Variants in TMEM132E observed in about 807,000 individuals in gnomAD.
The protein encoded by TMEM132E is transmembrane protein 132E.
A neutral mutation model predicts 78.5 loss-of-function variants in TMEM132E; 49 were observed. The observed-to-expected ratio is 0.62, with a 90% confidence interval of 0.50 to 0.79. The LOEUF (loss-of-function observed/expected upper bound fraction) is 0.79. Among genes scored for constraint, TMEM132E ranks in the 30% least tolerant of loss-of-function variants. The pLI, the probability that TMEM132E is intolerant of heterozygous loss-of-function variation, is 0.00. For missense variants in TMEM132E, 1,403 were observed against 1,470.9 expected (o/e 0.95, Z 0.75); for synonymous variants, 715 against 670.6 (o/e 1.07, Z -1.02).
At position 34,580,844 on chromosome 17, in the gene TMEM132E, G is replaced by A. The variant is rs1217770296; in HGVS notation, c.-233G>A. The A allele has an allele frequency of 6.6e-6, 3 of 455,854 alleles. No individual in the cohort carries two copies. Among genetic ancestry groups the A allele is most frequent in the Non-Finnish European group, 1.2e-5 (3 of 257,636 alleles). 28.2% of individuals were successfully genotyped at this position (455,854 alleles called of 1,614,324 possible). ...CAGGGGGCACCAGCTGGGGGAGGTG[G>A]AGGCTCCTCCCGCCCGGAGCTGCGC... On this transcript the variant is annotated 5_prime_UTR_variant, in exon 1 of 9. Coordinates refer to ENST00000631683, the MANE Select transcript of TMEM132E (RefSeq NM_001304438.2).
intron 1 of TMEM132E, among the ~76,000 whole-genome samples, chr17:34,610,304 C>G (rs1479450437): frequency 6.6e-6 from 1 of 152,164 alleles, no homozygotes; most frequent in African/African-American, 2.4e-5. Context: ...AGAGAAGGGG[C>G]TGAATAAATA....
At chr17:34,622,934 A>G (rs926975925) in intron 1 of TMEM132E, among the ~76,000 whole-genome samples, 2 of 152,184 alleles carry the variant, frequency 1.3e-5, no homozygotes, top group Non-Finnish European at 2.9e-5. Flanking sequence ...TGGGGGAGAG[A>G]CAGCGCTACT....
At chr17:34,621,595 G>A (rs996889543) in intron 1 of TMEM132E, among the ~76,000 whole-genome samples, 1 of 152,182 alleles carries the variant, frequency 6.6e-6, no homozygotes, top group African/African-American at 2.4e-5. Flanking sequence ...TCAGGAGACG[G>A]CAGCAAGGGA....
chr17:34,623,992 T>A (rs1379279384), intron 1 of TMEM132E, among the ~76,000 whole-genome samples: 1 of 152,150 alleles, frequency 6.6e-6, no homozygotes, highest in African/African-American at 2.4e-5. Flanking sequence ...ATTTCCCCAG[T>A]TGGTCCTAAG....
intron 1 of TMEM132E, among the ~76,000 whole-genome samples, chr17:34,607,960 T>C (rs904919500): frequency 6.6e-6 from 1 of 152,174 alleles, no homozygotes; most frequent in African/African-American, 2.4e-5. Flanking sequence ...AGGTTTTCAA[T>C]AAAGGTTCCA....
In TMEM132E at chr17:34,626,333, G is replaced by A; in HGVS notation, c.274G>A (p.Val92Ile). 2 of 1,612,798 alleles carry A rather than the reference G, an allele frequency of 1.2e-6. No individual in the cohort carries two copies. The highest frequency in any genetic ancestry group is 1.7e-6 in the Non-Finnish European group (2 of 1,179,566). The part of the protein sequence containing the change: ...FQTKELPVLN[V>I]SLGPFSTSQV... ...GACCAAGGAGCTGCCGGTCCTCAAC[G>A]TCTCTCTGGGGCCCTTCAGCACCAG... The change falls in exon 2 of 9, where the codon GTC (valine) becomes ATC (isoleucine). Residue 92 changes from valine to isoleucine, a missense_variant. Physicochemically the swap from Val to Ile is conservative, Grantham distance 29. This residue lies in a region of TMEM132E where 511 missense variants were observed against 499.0 expected (regional missense o/e 1.02). Coordinates refer to ENST00000631683, the MANE Select transcript of TMEM132E (RefSeq NM_001304438.2).
Position 34,626,311 on chromosome 17 carries a change from C to T in TMEM132E, c.252C>T (p.Thr84=). ...QRSEPFVVFQ[T]KELPVLNVSL... ...CCGAGCCCTTCGTGGTGTTCCAGAC[C>T]AAGGAGCTGCCGGTCCTCAACGTCT... The change falls in exon 2 of 9, where the codon ACC becomes ACT. Residue 84 remains threonine (T), a synonymous_variant. Transcript: ENST00000631683. 6.2e-7 allele frequency: 1 copy of T among 1,611,888 alleles called. No homozygotes were observed. The highest frequency in any genetic ancestry group is 8.5e-7 in the Non-Finnish European group (1 of 1,179,208).
intron 1 of TMEM132E, among the ~76,000 whole-genome samples, chr17:34,581,501 C>T (rs1905480853): frequency 6.6e-6 from 1 of 152,148 alleles, no homozygotes; most frequent in South Asian, 2.1e-4. Context: ...CCCGTCTCTC[C>T]CTGCAGCCGG....
intron 5 of TMEM132E, among the ~76,000 whole-genome samples, chr17:34,632,386 G>T (rs1907375071): frequency 6.6e-6 from 1 of 152,234 alleles, no homozygotes; most frequent in Admixed American, 6.5e-5. Flanking sequence ...GCCCTGAGAG[G>T]CCCTCACCCT....
Position 34,637,953 on chromosome 17 carries a change from G to A in TMEM132E, c.2946G>A (p.Gln982=). The A allele has an allele frequency of 6.2e-7, 1 of 1,605,906 alleles. No homozygotes were observed. Among genetic ancestry groups the A allele is most frequent in the East Asian group, 2.2e-5 (1 of 44,574 alleles). Reference sequence around the variant, plus strand: ...GCTCGCAGACCAGCGTCCAGAGCCAGGTGCACGGCAGGGGCGACGGCTCCT... The same window carrying A: ...GCTCGCAGACCAGCGTCCAGAGCCAAGTGCACGGCAGGGGCGACGGCTCCT... The part of the protein sequence containing the change: ...SGSSQTSVQS[Q]VHGRGDGSSG... The change falls in exon 9 of 9, where the codon CAG becomes CAA. Residue 982 remains glutamine (Q), a synonymous_variant. Transcript: ENST00000631683.
In TMEM132E at chr17:34,632,910, G is replaced by A; in HGVS notation, c.1688+1G>A. 6.2e-7 allele frequency: 1 copy of A among 1,614,116 alleles called. No homozygotes were observed. Among genetic ancestry groups the A allele is most frequent in the Non-Finnish European group, 8.5e-7 (1 of 1,180,040 alleles). On this transcript the variant is annotated splice_donor_variant, in intron 6 of 8. Transcript: ENST00000631683. LOFTEE classifies it high-confidence loss of function. ...GGGTACCTATCCTCCCCGACCGGAG[G>A]TACAGCCCCTCTCCCATGGCGGATA... is the stretch of plus-strand genomic sequence containing the variant.
chr17:34,633,243 G>T (rs1333301705), intron 6 of TMEM132E, among the ~76,000 whole-genome samples: 1 of 152,224 alleles, frequency 6.6e-6, no homozygotes, highest in Non-Finnish European at 1.5e-5. Flanking sequence ...CTCCCTCCAG[G>T]AGAAGTCAAG....
chr17:34,633,066 G>A (rs1170475505), intron 6 of TMEM132E, among the ~76,000 whole-genome samples, 157 bp downstream of exon 6: 2 of 152,242 alleles, frequency 1.3e-5, no homozygotes, highest in South Asian at 2.1e-4. Flanking sequence ...GCTACTGTGT[G>A]CTAGGCACTG....
Position 34,581,038 on chromosome 17 carries a change from C to A in TMEM132E, c.-39C>A. 6.6e-7 allele frequency: 1 copy of A among 1,518,540 alleles called. No homozygotes were observed. Among genetic ancestry groups the A allele is most frequent in the African/African-American group, 1.4e-5 (1 of 70,052 alleles). The allele number at this position is 1,518,540 out of a possible 1,614,324, so 94.1% of individuals were successfully genotyped here. A position where few individuals can be genotyped will look rare whatever the true frequency, so the allele number is the denominator to read the frequency against. ...CAGCCTGGGGCCAAGTCGTCGTCGA[C>A]TGTTGCTCTCTCGGACCCCTCCCGC... On this transcript the variant is annotated 5_prime_UTR_variant, in exon 1 of 9. It adds an upstream start codon to the 5' untranslated region. Transcript: ENST00000631683.
At position 34,626,785 on chromosome 17, in the gene TMEM132E, G is replaced by A. The variant is rs1486096822; in HGVS notation, c.726G>A (p.Ser242=). Residue 242 remains serine, a synonymous_variant, in exon 2 of 9, where the codon TCG becomes TCA. Coordinates refer to ENST00000631683, the MANE Select transcript of TMEM132E (RefSeq NM_001304438.2). ...LYYTLHAPDA[S]GGCGGSRRGA... Reference sequence around the variant, plus strand: ...ACACGCTCCACGCCCCTGATGCGTCGGGGGGCTGCGGGGGCTCCCGCCGGG... The same window carrying A: ...ACACGCTCCACGCCCCTGATGCGTCAGGGGGCTGCGGGGGCTCCCGCCGGG... The A allele has an allele frequency of 5.4e-6, 8 of 1,492,564 alleles. No individual in the cohort carries two copies. Among genetic ancestry groups the A allele is most frequent in the African/African-American group, 2.8e-5 (2 of 72,128 alleles). 92.5% of individuals were successfully genotyped at this position (1,492,564 alleles called of 1,614,324 possible). A position where few individuals can be genotyped will look rare whatever the true frequency, so the allele number is the denominator to read the frequency against.
chr17:34,588,252 T>A (rs1301565941), intron 1 of TMEM132E, among the ~76,000 whole-genome samples: 1 of 152,176 alleles, frequency 6.6e-6, no homozygotes, highest in Admixed American at 6.5e-5. Flanking sequence ...TGGAAGCCCA[T>A]CCCTATTCTA....
intron 1 of TMEM132E, among the ~76,000 whole-genome samples, chr17:34,607,437 C>A (rs569223770): frequency 6.6e-6 from 1 of 152,310 alleles, no homozygotes; most frequent in Non-Finnish European, 1.5e-5. Flanking sequence ...AAATCCTGCT[C>A]CTCTTTTCAC....
At chr17:34,613,172 T>TACACACA (rs1416893742) in intron 1 of TMEM132E, among the ~76,000 whole-genome samples, 41 of 112,570 alleles carry the variant, frequency 3.6e-4, no homozygotes, top group Admixed American at 1.8e-3. Context: ...TCTCTCTCTC[T>TACACACA]CTACACACAC....
intron 1 of TMEM132E, among the ~76,000 whole-genome samples, chr17:34,601,948 A>G (rs1434242573): frequency 6.6e-6 from 1 of 152,186 alleles, no homozygotes; most frequent in Non-Finnish European, 1.5e-5. Flanking sequence ...ACTCCAAGTT[A>G]GTGGGAGAGG....
Sources: allele counts gnomAD v4.1 joint callset (sites outside exome capture counted in the v4.1 genomes callset), GRCh38; gene constraint gnomAD v4.1.1; regional missense constraint gnomAD v4.1.1; transcripts MANE v1.5; gene names NCBI Gene and HGNC (gene_info 2026-07-23, HGNC 2026-07-21).